PKHD1L1: variants seen among roughly 807,000 people sequenced by gnomAD.
PKHD1L1 encodes the protein PKHD1 like 1, also known as fibrocystin-L.
A neutral mutation model predicts 462.9 loss-of-function variants in PKHD1L1; 434 were observed. That is an observed-to-expected ratio of 0.94 (90% confidence interval 0.87 to 1.02). The LOEUF (loss-of-function observed/expected upper bound fraction) is 1.02, where lower values mean the gene tolerates loss of function less well. Ranked by LOEUF, PKHD1L1 falls within the 50% of genes least tolerant of loss-of-function variation. The probability of loss-of-function intolerance (pLI) is 0.00; values close to 1 mark genes in which losing one functional copy is unlikely to be tolerated. For missense variants in PKHD1L1, 5,202 were observed against 5,096.1 expected (o/e 1.02, Z -0.63); for synonymous variants, 1,781 against 1,750.0 (o/e 1.02, Z -0.44).
chr8:109,531,985 A>C lies in PKHD1L1; in HGVS notation c.*1895A>C, dbSNP rs552875801. Among the ~76,000 whole-genome samples the C allele has an allele frequency of 6.6e-6, 1 of 152,334 alleles. No homozygotes were observed. Among genetic ancestry groups the C allele is most frequent in the East Asian group, 1.9e-4 (1 of 5,192 alleles). Reference sequence around the variant, plus strand: ...CCTTTCTGTTGGAAAACTAAATTCCAAAAACTGCAATTCCAGCATCTATGG... The same window carrying C: ...CCTTTCTGTTGGAAAACTAAATTCCCAAAACTGCAATTCCAGCATCTATGG... On this transcript the variant is annotated 3_prime_UTR_variant, in exon 78 of 78. Transcript: ENST00000378402.
intron 9 of PKHD1L1, among the ~76,000 whole-genome samples, chr8:109,394,097 C>A (rs1047499868): frequency 2.0e-5 from 3 of 149,094 alleles, no homozygotes; most frequent in Non-Finnish European, 4.4e-5. Context: ...TCCCTCGAAC[C>A]CGGGAGGCAA....
At chr8:109,381,658 A>T in intron 3 of PKHD1L1, 144 bp downstream of exon 3, 1 of 621,530 alleles carries the variant, frequency 1.6e-6, no homozygotes. Context: ...TCATTTTGTG[A>T]TGTTTAGACT....
At chr8:109,392,348 G>A (rs563781368) in intron 9 of PKHD1L1, among the ~76,000 whole-genome samples, 4 of 152,128 alleles carry the variant, frequency 2.6e-5, no homozygotes, top group South Asian at 4.1e-4. Context: ...AAGGTTGAAC[G>A]TGATTGATAA....
intron 2 of PKHD1L1, among the ~76,000 whole-genome samples, chr8:109,366,676 A>T (rs1436091972): frequency 6.7e-6 from 1 of 149,176 alleles, no homozygotes; most frequent in African/African-American, 2.5e-5. Flanking sequence ...GTTTATGACC[A>T]TTCCTGTGGT....
At chr8:109,507,601 T>C in intron 68 of PKHD1L1, 62 bp from the exon 69 acceptor site, 1 of 1,371,556 alleles carries the variant, frequency 7.3e-7, no homozygotes, top group Non-Finnish European at 1.0e-6. Context: ...AAGTAAATAT[T>C]CAAGTGTATT....
At chr8:109,370,603 A>T (rs1272403630) in intron 2 of PKHD1L1, among the ~76,000 whole-genome samples, 3 of 151,850 alleles carry the variant, frequency 2.0e-5, no homozygotes, top group Admixed American at 2.0e-4. Flanking sequence ...GGTGTGCTGC[A>T]CCCATTAACT....
intron 50 of PKHD1L1, among the ~76,000 whole-genome samples, chr8:109,472,971 T>C (rs1466667025): frequency 1.3e-5 from 2 of 152,084 alleles, no homozygotes; most frequent in African/African-American, 4.8e-5. Context: ...TTTATGTAAA[T>C]ATATGTATAA....
chr8:109,394,303 A>C, intron 9 of PKHD1L1, 112 bp from the exon 10 acceptor site: 1 of 588,770 alleles, frequency 1.7e-6, no homozygotes, highest in East Asian at 2.9e-5. Flanking sequence ...TTCTCCCAAA[A>C]GTTCCATCGT....
intron 77 of PKHD1L1, among the ~76,000 whole-genome samples, chr8:109,528,739 C>A (rs149719209): frequency 6.6e-6 from 1 of 152,292 alleles, no homozygotes; most frequent in African/African-American, 2.4e-5. Context: ...AGCTTATATT[C>A]AAATCTATCT....
chr8:109,433,438 C>T (rs1406074212), intron 28 of PKHD1L1, among the ~76,000 whole-genome samples: 1 of 151,984 alleles, frequency 6.6e-6, no homozygotes, highest in African/African-American at 2.4e-5. Flanking sequence ...TGTCTTTATC[C>T]CATAACAGTT....
chr8:109,362,705 C>G (rs1056937336), intron 1 of PKHD1L1, 52 bp downstream of exon 1: 1 of 1,537,318 alleles, frequency 6.5e-7, no homozygotes, highest in Non-Finnish European at 8.8e-7. Flanking sequence ...CGCGTAGACA[C>G]TACCCCTGCT....
At chr8:109,473,103 T>TGA (rs1563583540) in intron 50 of PKHD1L1, among the ~76,000 whole-genome samples, 3 of 152,154 alleles carry the variant, frequency 2.0e-5, no homozygotes, top group African/African-American at 4.8e-5. Context: ...ATACTTGAAA[T>TGA]GAGTGCAGCT....
In PKHD1L1 at chr8:109,459,539, A is replaced by C. The variant is rs190154677; in HGVS notation, c.7005-56A>C. ...ATGAATAAAACAAATATACCAAAAC[A>C]ATATGTTATGTCAATTTATATTAAT... On this transcript the variant is annotated intron_variant, in intron 46 of 77. Transcript: ENST00000378402. 1.9e-3 allele frequency: 2,585 copies of C among 1,346,078 alleles called. 2 individuals carry two copies. Among genetic ancestry groups the C allele is most frequent in the Non-Finnish European group, 2.4e-3 (2,453 of 1,006,968 alleles). The allele number at this position is 1,346,078 out of a possible 1,614,324, so 83.4% of individuals were successfully genotyped here. A position where few individuals can be genotyped will look rare whatever the true frequency, so the allele number is the denominator to read the frequency against.
intron 29 of PKHD1L1, 83 bp from the exon 30 acceptor site, chr8:109,436,255 A>G: frequency 7.1e-7 from 1 of 1,416,908 alleles, no homozygotes; most frequent in Non-Finnish European, 9.6e-7. Context: ...CTCAAAAGAC[A>G]ATTCTCAAAA....
At position 109,406,743 on chromosome 8, in the gene PKHD1L1, A is replaced by G. The variant is rs540094823; in HGVS notation, c.1813+265A>G. Among the ~76,000 whole-genome samples, 10 of 152,274 alleles carry G rather than the reference A, an allele frequency of 6.6e-5. No individual in the cohort carries two copies. In the South Asian group the frequency reaches 1.9e-3, roughly 28 times the overall value. Reference sequence around the variant, plus strand: ...TAAATTAGTAAAAACTAGTGAAAATATTCATTCTGAAAATAAAATTTAGGC... The same window carrying G: ...TAAATTAGTAAAAACTAGTGAAAATGTTCATTCTGAAAATAAAATTTAGGC... On this transcript the variant is annotated intron_variant, in intron 17 of 77. Coordinates refer to ENST00000378402, the MANE Select transcript of PKHD1L1 (RefSeq NM_177531.6).
At chr8:109,382,224 A>G (rs1246102074) in intron 3 of PKHD1L1, among the ~76,000 whole-genome samples, 2 of 152,078 alleles carry the variant, frequency 1.3e-5, no homozygotes, top group Admixed American at 1.3e-4. Context: ...TTTAATACCA[A>G]TGTGCACAGT....
chr8:109,405,461 T>C lies in PKHD1L1; in HGVS notation c.1669+331T>C, dbSNP rs149514902. Among the ~76,000 whole-genome samples, 347 of 152,206 alleles carry C rather than the reference T, an allele frequency of 2.3e-3. 1 individual carries two copies. Among genetic ancestry groups the C allele is most frequent in the African/African-American group, 8.0e-3 (333 of 41,530 alleles). On this transcript the variant is annotated intron_variant, in intron 16 of 77. Transcript: ENST00000378402. ...AGTCAACCCAAATGCCCGTCAATGA[T>C]AGACTGGATAAAGAAAATGTGGTAC...
At chr8:109,510,683 A>T in intron 70 of PKHD1L1, 94 bp from the exon 71 acceptor site, 1 of 1,422,870 alleles carries the variant, frequency 7.0e-7, no homozygotes, top group Middle Eastern at 1.9e-4. Flanking sequence ...GAACTTGACC[A>T]CTGCAATTTA....
chr8:109,362,630 T>G lies in PKHD1L1; in HGVS notation c.50T>G (p.Leu17Arg). 2 of 1,607,642 alleles carry G rather than the reference T, an allele frequency of 1.2e-6. No individual in the cohort carries two copies. Among genetic ancestry groups the G allele is most frequent in the Non-Finnish European group, 1.7e-6 (2 of 1,177,150 alleles). Reference sequence around the variant, plus strand: ...ATTTGGGGCCTCTGTGGGCTGCTCCTGTGTGCCGCGGATCCCAGCACAGGT... The same window carrying G: ...ATTTGGGGCCTCTGTGGGCTGCTCCGGTGTGCCGCGGATCCCAGCACAGGT... Reference protein sequence around the residue: ...LGIWGLCGLLLCAADPSTDGS... With the variant: ...LGIWGLCGLLRCAADPSTDGS... Residue 17 changes from leucine to arginine, a missense_variant, in exon 1 of 78, where the codon CTG (leucine) becomes CGG (arginine). Leu to Arg is a moderately radical substitution (Grantham distance 102, BLOSUM62 -2). Transcript: ENST00000378402.
Sources: allele counts gnomAD v4.1 joint callset (sites outside exome capture counted in the v4.1 genomes callset), GRCh38; gene constraint gnomAD v4.1.1; transcripts MANE v1.5; gene names NCBI Gene and HGNC (gene_info 2026-07-23, HGNC 2026-07-21).